The following BACH2 variants were observed in gnomAD, a reference collection of about 807,000 sequenced individuals.
BACH2 encodes the protein transcription regulator protein BACH2.
BACH2 carries 5 observed loss-of-function variants against 61.8 expected under a neutral mutation model. That is an observed-to-expected ratio of 0.08 (90% CI 0.04 to 0.17). The LOEUF is 0.17. Among genes scored for constraint, BACH2 ranks in the 10% least tolerant of loss-of-function variants. The pLI is 1.00. For synonymous variants in BACH2, 446 were observed against 440.1 expected (o/e 1.01, Z -0.17); for missense variants, 824 against 1,091.1 (o/e 0.76, Z 3.45).
chr6:89,982,385 A>G (rs1489995648), intron 6 of BACH2, among the ~76,000 whole-genome samples: 1 of 152,160 alleles, frequency 6.6e-6, no homozygotes, highest in Non-Finnish European at 1.5e-5. Flanking sequence ...GAAAGACACA[A>G]GGAACATCCT....
intron 1 of BACH2, among the ~76,000 whole-genome samples, chr6:90,291,385 T>C (rs1477799409): frequency 6.6e-6 from 1 of 152,126 alleles, no homozygotes; most frequent in Non-Finnish European, 1.5e-5. Context: ...AGAAATGAAA[T>C]GGCCCTTGGA....
chr6:90,272,143 C>CATTTA (rs1170422014), intron 1 of BACH2, among the ~76,000 whole-genome samples: 3 of 152,138 alleles, frequency 2.0e-5, no homozygotes, highest in Non-Finnish European at 4.4e-5. Context: ...TTCACCTCCT[C>CATTTA]ATGTCACCAA....
intron 4 of BACH2, among the ~76,000 whole-genome samples, chr6:90,117,740 G>A (rs907497756): frequency 7.9e-5 from 12 of 152,136 alleles, no homozygotes; most frequent in Admixed American, 5.9e-4. Flanking sequence ...TGTATATGTG[G>A]TTAGCTTTTC....
rs750140970 is a variant in BACH2, at chr6:90,008,719, G to A, written c.126C>T (p.Ile42=). The part of the protein sequence containing the change: ...KKDILCDVTL[I]VERKEFRAHR... ...GGGCCCGGAACTCCTTCCTCTCCAC[G>A]ATCAAAGTCACGTCACAGAGAATAT... Residue 42 remains isoleucine (I), a synonymous_variant, in exon 6 of 9, where the codon ATC becomes ATT. Coordinates refer to ENST00000257749, the MANE Select transcript of BACH2 (RefSeq NM_021813.4). This position sits in a 1 kb window ranked among gnomAD's most constrained non-coding sequence, Gnocchi z 4.1. 8.1e-6 allele frequency: 13 copies of A among 1,614,154 alleles called. No homozygotes were observed. Among genetic ancestry groups the A allele is most frequent in the Admixed American group, 1.7e-5 (1 of 60,016 alleles).
intron 4 of BACH2, among the ~76,000 whole-genome samples, chr6:90,094,861 T>TACACAC (rs111697212): frequency 0.016 from 2,427 of 150,764 alleles, 89 homozygotes; most frequent in East Asian, 0.12. Context: ...TCCACAACTA[T>TACACAC]ACACACACAC....
At chr6:90,129,859 T>G (rs896778633) in intron 4 of BACH2, among the ~76,000 whole-genome samples, 1 of 150,606 alleles carries the variant, frequency 6.6e-6, no homozygotes, top group East Asian at 1.9e-4. Flanking sequence ...TTCAAGAAGT[T>G]TTTTTTTTGT....
intron 6 of BACH2, among the ~76,000 whole-genome samples, chr6:89,981,860 G>A (rs892774292): frequency 7.5e-4 from 114 of 152,244 alleles, no homozygotes; most frequent in African/African-American, 2.4e-3. Flanking sequence ...AGAGTTATAC[G>A]GAGCTCCTGA....
At chr6:89,962,027 T>C (rs991324615) in intron 6 of BACH2, among the ~76,000 whole-genome samples, 1 of 152,248 alleles carries the variant, frequency 6.6e-6, no homozygotes, top group Non-Finnish European at 1.5e-5. Context: ...ATTCCTATTA[T>C]AAAAACTACT....
chr6:90,047,407 A>T (rs992381019), intron 5 of BACH2, among the ~76,000 whole-genome samples: 2 of 152,176 alleles, frequency 1.3e-5, no homozygotes, highest in Non-Finnish European at 2.9e-5. Flanking sequence ...GGTCCTGGAA[A>T]GGCCTTGGAA....
intron 6 of BACH2, among the ~76,000 whole-genome samples, chr6:89,955,034 A>ACC (rs1484572578): frequency 3.3e-5 from 5 of 152,230 alleles, no homozygotes; most frequent in Non-Finnish European, 7.3e-5. Context: ...TTGTTTGGTG[A>ACC]GCCAGAATGA....
chr6:89,982,068 TCAAG>T (rs1487015222), intron 6 of BACH2, among the ~76,000 whole-genome samples: 7 of 151,958 alleles, frequency 4.6e-5, no homozygotes, highest in Non-Finnish European at 7.4e-5. Context: ...CCTCACAGGC[TCAAG>T]CAATCCTCCC....
At chr6:90,069,336 G>A (rs1485552443) in intron 5 of BACH2, among the ~76,000 whole-genome samples, 1 of 152,142 alleles carries the variant, frequency 6.6e-6, no homozygotes, top group Non-Finnish European at 1.5e-5. Context: ...TCCCCTTCCC[G>A]TTGCTTTTTC....
At position 89,930,157 on chromosome 6, in the gene BACH2, ACACACAC is replaced by A. The variant is rs2128351634; in HGVS notation, c.*2244_*2250del. 1 of 146,716 alleles carries A rather than the reference ACACACAC, an allele frequency of 6.8e-6. No individual in the cohort carries two copies. The highest frequency in any genetic ancestry group is 2.3e-4 in the South Asian group (1 of 4,322). The allele number at this position is 146,716 out of a possible 1,614,324, so 9.1% of individuals were successfully genotyped here. ...CACACACACACACACACACACACAC[ACACACAC>A]AAACAAGAAAAAACAAAAACCCAGA... is the stretch of plus-strand genomic sequence containing the variant. On this transcript the variant is annotated 3_prime_UTR_variant, in exon 9 of 9. Transcript: ENST00000257749.
chr6:90,292,389 T>C (rs1487142898), intron 1 of BACH2, among the ~76,000 whole-genome samples: 1 of 152,218 alleles, frequency 6.6e-6, no homozygotes, highest in African/African-American at 2.4e-5. Context: ...CAAACTCCCA[T>C]GGAGGTCCTC....
chr6:90,153,211 C>A (rs963492560), intron 4 of BACH2, among the ~76,000 whole-genome samples: 1 of 152,086 alleles, frequency 6.6e-6, no homozygotes, highest in Non-Finnish European at 1.5e-5. Flanking sequence ...CAGAGTATGG[C>A]CATTTCATGT....
At chr6:90,066,028 C>T (rs984540125) in intron 5 of BACH2, among the ~76,000 whole-genome samples, 37 of 152,324 alleles carry the variant, frequency 2.4e-4, no homozygotes, top group African/African-American at 8.4e-4. Context: ...TTCCTTTTCA[C>T]TGCCCTTCTT....
chr6:90,187,782 C>T (rs576328595), intron 4 of BACH2, among the ~76,000 whole-genome samples: 2 of 152,300 alleles, frequency 1.3e-5, no homozygotes, highest in Admixed American at 6.5e-5. Flanking sequence ...CAGGATCTGT[C>T]GTAGGCACTT....
intron 4 of BACH2, among the ~76,000 whole-genome samples, chr6:90,180,666 T>C (rs1768126708): frequency 6.6e-6 from 1 of 152,198 alleles, no homozygotes; most frequent in Non-Finnish European, 1.5e-5. Context: ...CTTAGAATAA[T>C]GGCCTCCAGT....
chr6:89,973,110 A>C (rs1001221707), intron 6 of BACH2, among the ~76,000 whole-genome samples: 1 of 151,998 alleles, frequency 6.6e-6, no homozygotes, highest in Non-Finnish European at 1.5e-5. Context: ...ACAACAACAA[A>C]AACAAAGATG....
Sources: gnomAD v4.1 joint callset for allele counts (sites outside exome capture counted in the v4.1 genomes callset) on GRCh38, gnomAD v4.1.1 for gene constraint, Gnocchi (gnomAD v3.1) non-coding constraint, MANE v1.5 for transcripts, NCBI Gene and HGNC (gene_info 2026-07-23, HGNC 2026-07-21) for gene names.